The following ABHD12B variants were observed in gnomAD, a reference collection of about 807,000 sequenced individuals.
ABHD12B encodes abhydrolase domain containing 12B.
ABHD12B carries 42 observed loss-of-function variants against 50.4 expected under a neutral mutation model. The ratio of observed to expected loss-of-function variants is 0.83; its 90% CI spans 0.65 to 1.08. ABHD12B has a LOEUF of 1.08. Ranked by LOEUF, ABHD12B falls within the 50% of genes least tolerant of loss-of-function variation. ABHD12B has a pLI of 0.00. For missense variants in ABHD12B, 479 were observed against 447.7 expected (o/e 1.07, Z -0.63); for synonymous variants, 167 against 160.3 (o/e 1.04, Z -0.32).
intron 1 of ABHD12B, 35 bp downstream of exon 1, chr14:50,872,313 C>G (rs2049797022): frequency 7.2e-6 from 9 of 1,252,618 alleles, no homozygotes; most frequent in Middle Eastern, 6.1e-4. Flanking sequence ...GGCCGGGCCC[C>G]GACGGCTCAG....
intron 9 of ABHD12B, among the ~76,000 whole-genome samples, chr14:50,890,790 T>C (rs2050106509): frequency 6.6e-6 from 1 of 152,242 alleles, no homozygotes; most frequent in Non-Finnish European, 1.5e-5. Context: ...ACCTGTATTC[T>C]GTAAACATGT....
chr14:50,904,615 A>G lies in ABHD12B; in HGVS notation c.*249A>G, dbSNP rs932143392. The G allele has an allele frequency of 2.3e-5, 13 of 576,492 alleles. No individual in the cohort carries two copies. Among genetic ancestry groups the G allele is most frequent in the Non-Finnish European group, 1.2e-5 (4 of 324,982 alleles). 35.7% of individuals were successfully genotyped at this position (576,492 alleles called of 1,614,324 possible). A position where few individuals can be genotyped will look rare whatever the true frequency, so the allele number is the denominator to read the frequency against. ...CACTGTGGAGAACCAGAATTTGGTA[A>G]AATCTAGATCCTATCTAAAAATATG... On this transcript the variant is annotated 3_prime_UTR_variant, in exon 13 of 13. Transcript: ENST00000337334.
chr14:50,895,197 A>G (rs2050180381), intron 9 of ABHD12B, among the ~76,000 whole-genome samples: 1 of 149,782 alleles, frequency 6.7e-6, no homozygotes, highest in African/African-American at 2.6e-5. Flanking sequence ...TTCTCAAAAT[A>G]CATTTTATTA....
At chr14:50,902,813 G>C (rs1422850530) in intron 10 of ABHD12B, among the ~76,000 whole-genome samples, 1 of 152,134 alleles carries the variant, frequency 6.6e-6, no homozygotes, top group Non-Finnish European at 1.5e-5. Context: ...AACTAGAGTG[G>C]GAGACAAGAC....
At chr14:50,884,702 C>CTTTTTT (rs35439744) in intron 5 of ABHD12B, among the ~76,000 whole-genome samples, 1 of 126,588 alleles carries the variant, frequency 7.9e-6, no homozygotes, top group African/African-American at 3.0e-5. Flanking sequence ...TGTATTTCTT[C>CTTTTTT]TTTTTTTTTT....
At position 50,904,522 on chromosome 14, in the gene ABHD12B, A is replaced by C; in HGVS notation, c.*156A>C. On this transcript the variant is annotated 3_prime_UTR_variant, in exon 13 of 13. Coordinates refer to ENST00000337334, the MANE Select transcript of ABHD12B (RefSeq NM_001206673.2). Reference sequence around the variant, plus strand: ...GCCATTTTAACAACAGAAAGTACGAATGTTAGGCAGTATGGAATGTTCTTA... The same window carrying C: ...GCCATTTTAACAACAGAAAGTACGACTGTTAGGCAGTATGGAATGTTCTTA... 1 of 890,010 alleles carries C rather than the reference A, an allele frequency of 1.1e-6. No homozygotes were observed. Among genetic ancestry groups the C allele is most frequent in the Admixed American group, 2.0e-5 (1 of 49,128 alleles). The allele number at this position is 890,010 out of a possible 1,614,324, so 55.1% of individuals were successfully genotyped here. A position where few individuals can be genotyped will look rare whatever the true frequency, so the allele number is the denominator to read the frequency against.
chr14:50,881,503 A>G, intron 4 of ABHD12B, 93 bp from the exon 5 acceptor site: 1 of 1,363,666 alleles, frequency 7.3e-7, no homozygotes, highest in Non-Finnish European at 1.0e-6. Flanking sequence ...GCGTGAGATC[A>G]GATACCAGCA....
intron 8 of ABHD12B, among the ~76,000 whole-genome samples, chr14:50,888,272 C>T (rs982946080): frequency 2.7e-5 from 4 of 150,020 alleles, no homozygotes; most frequent in East Asian, 3.9e-4. Flanking sequence ...GGCGCAATCT[C>T]GGCTCACTGC....
chr14:50,888,438 G>A (rs1027795081), intron 8 of ABHD12B, among the ~76,000 whole-genome samples: 4 of 152,038 alleles, frequency 2.6e-5, no homozygotes, highest in Non-Finnish European at 4.4e-5. Flanking sequence ...TCCTGACCTC[G>A]TGATCCGCCT....
intron 1 of ABHD12B, among the ~76,000 whole-genome samples, chr14:50,874,992 T>C (rs1225427429): frequency 6.6e-6 from 1 of 152,264 alleles, no homozygotes; most frequent in Non-Finnish European, 1.5e-5. Flanking sequence ...CTTTCTATTT[T>C]CAACCTATGC....
intron 11 of ABHD12B, chr14:50,903,865 G>A: frequency 3.7e-6 from 2 of 541,378 alleles, no homozygotes; most frequent in Middle Eastern, 4.9e-4. Flanking sequence ...AGGGAAGGAT[G>A]AGGTTTTATC....
intron 9 of ABHD12B, among the ~76,000 whole-genome samples, chr14:50,900,453 A>G (rs2050249872): frequency 6.6e-6 from 1 of 152,196 alleles, no homozygotes; most frequent in Non-Finnish European, 1.5e-5. Context: ...CCATTTACCT[A>G]CGAAGTTCAT....
At position 50,886,682 on chromosome 14, in the gene ABHD12B, A is replaced by G; in HGVS notation, c.698A>G (p.Lys233Arg). 1 of 1,607,754 alleles carries G rather than the reference A, an allele frequency of 6.2e-7. No individual in the cohort carries two copies. The change falls in exon 8 of 13, where the codon AAA becomes AGA. Residue 233 changes from lysine to arginine, a missense_variant and splice_region_variant. Physicochemically the swap from Lys to Arg is conservative, Grantham distance 26. Transcript: ENST00000337334. ...AATGCTGCAAAAGTGCTAGAAGAAA[A>G]AGGTAATATAAAATGCTTAAGTGGT... The part of the protein sequence containing the change: ...ATNAAKVLEE[K>R]GCPVDAIVLE...
At position 50,872,079 on chromosome 14, in the gene ABHD12B, G is replaced by A. The variant is rs1460194681; in HGVS notation, c.-96G>A. 2.1e-6 allele frequency: 2 copies of A among 933,908 alleles called. No homozygotes were observed. The highest frequency in any genetic ancestry group is 2.7e-6 in the Non-Finnish European group (2 of 728,384). 57.9% of individuals were successfully genotyped at this position (933,908 alleles called of 1,614,324 possible). A position where few individuals can be genotyped will look rare whatever the true frequency, so the allele number is the denominator to read the frequency against. On this transcript the variant is annotated 5_prime_UTR_variant, in exon 1 of 13. Coordinates refer to ENST00000337334, the MANE Select transcript of ABHD12B (RefSeq NM_001206673.2). ...GCCTGCCTGACCGCGCGGAGGAGGA[G>A]GGCGGGCGCGGTGCCGCCGGGGCGG...
chr14:50,874,060 T>C (rs1267123579), intron 1 of ABHD12B, among the ~76,000 whole-genome samples: 1 of 152,208 alleles, frequency 6.6e-6, no homozygotes, highest in African/African-American at 2.4e-5. Context: ...GGAGCCGGGT[T>C]CACTTAGGTG....
At chr14:50,892,734 C>A in intron 9 of ABHD12B, 1 of 316,676 alleles carries the variant, frequency 3.2e-6, no homozygotes, top group Non-Finnish European at 4.6e-6. Flanking sequence ...TACTTAATAC[C>A]ATCTAATAAT....
chr14:50,896,706 AC>A (rs900587038), intron 9 of ABHD12B, among the ~76,000 whole-genome samples: 33 of 151,500 alleles, frequency 2.2e-4, no homozygotes, highest in Non-Finnish European at 2.4e-4. Context: ...CCAGAGAGCA[AC>A]CCCCTTTGAC....
chr14:50,896,711 C>CT (rs2050204817), intron 9 of ABHD12B, among the ~76,000 whole-genome samples: 1 of 151,954 alleles, frequency 6.6e-6, no homozygotes, highest in South Asian at 2.1e-4. Flanking sequence ...GAGCAACCCC[C>CT]TTTGACTGTA....
At chr14:50,889,756 G>A (rs961890207) in intron 9 of ABHD12B, among the ~76,000 whole-genome samples, 1 of 151,996 alleles carries the variant, frequency 6.6e-6, no homozygotes, top group East Asian at 1.9e-4. Flanking sequence ...GAGAGGTGGG[G>A]AGAGAGAGAG....
Sources: allele counts gnomAD v4.1 joint callset (sites outside exome capture counted in the v4.1 genomes callset), GRCh38; gene constraint gnomAD v4.1.1; transcripts MANE v1.5; gene names NCBI Gene and HGNC (gene_info 2026-07-23, HGNC 2026-07-21).